Variants in CBLB observed in about 807,000 individuals in gnomAD.
CBLB encodes E3 ubiquitin-protein ligase CBL-B.
In CBLB, 31 loss-of-function variants were observed where a neutral mutation model predicts 104.9. That is an observed-to-expected ratio of 0.30 (90% CI 0.22 to 0.40). The LOEUF (loss-of-function observed/expected upper bound fraction) is 0.40, where lower values mean the gene tolerates loss of function less well. Ranked by LOEUF, CBLB falls within the 10% of genes least tolerant of loss-of-function variation. The pLI is 1.00. For missense variants in CBLB, 1,062 were observed against 1,214.6 expected, an observed-to-expected ratio of 0.87 and a Z score of 1.87; for synonymous variants, 440 against 422.6, an observed-to-expected ratio of 1.04 and a Z score of -0.51.
At position 105,681,550 on chromosome 3, in the gene CBLB, C is replaced by A. The variant is rs776677008; in HGVS notation, c.2357G>T (p.Arg786Leu). 5 of 1,613,890 alleles carry A rather than the reference C, an allele frequency of 3.1e-6. No individual in the cohort carries two copies. The South Asian group carries it at 4.4e-5, about 14-fold the overall frequency. The change falls in exon 16 of 19, where the codon CGG (arginine) becomes CTG (leucine). Residue 786 changes from arginine to leucine, a missense_variant. Around this residue, in one of 2 missense-constraint regions of CBLB, gnomAD observed 605 missense variants for 582.6 expected, o/e 1.04. Coordinates refer to ENST00000394030, the MANE Select transcript of CBLB (RefSeq NM_170662.5). ...VPLPPARPPT[R>L]DNPKHGSSLN... ...TGAAGAACCATGCTTTGGATTGTCC[C>A]GAGTTGGAGGCCTGGCAGGTGGTAA...
At chr3:105,806,147 G>A (rs2083466344) in intron 3 of CBLB, among the ~76,000 whole-genome samples, 1 of 152,014 alleles carries the variant, frequency 6.6e-6, no homozygotes, top group African/African-American at 2.4e-5. Flanking sequence ...ACTTTAAAAT[G>A]ACATTTTGCT....
rs1488606905 is a variant in CBLB at position 105,776,303 on chromosome 3, A to T, written c.566+93T>A. On this transcript the variant is annotated intron_variant, in intron 4 of 18. Transcript: ENST00000394030. Reference sequence around the variant, plus strand: ...AAATAATAAAATACATTCACAAAACACTCAAGTAAAATATATACCATATCC... The same window carrying T: ...AAATAATAAAATACATTCACAAAACTCTCAAGTAAAATATATACCATATCC... 3.5e-6 allele frequency: 4 copies of T among 1,132,586 alleles called. No individual in the cohort carries two copies. The East Asian group carries it at 7.2e-5, about 20-fold the overall frequency. The allele number at this position is 1,132,586 out of a possible 1,614,324, so 70.2% of individuals were successfully genotyped here. A position where few individuals can be genotyped will look rare whatever the true frequency, so the allele number is the denominator to read the frequency against.
At chr3:105,789,648 G>T (rs919077396) in intron 3 of CBLB, among the ~76,000 whole-genome samples, 6 of 152,228 alleles carry the variant, frequency 3.9e-5, no homozygotes, top group East Asian at 1.9e-4. Context: ...CCCTGACATT[G>T]TATGTGGTAA....
At chr3:105,674,517 A>G (rs2065395086) in intron 17 of CBLB, among the ~76,000 whole-genome samples, 1 of 152,232 alleles carries the variant, frequency 6.6e-6, no homozygotes, top group African/African-American at 2.4e-5. Flanking sequence ...AAGGTAGCAT[A>G]AAGACTGACA....
chr3:105,709,164 A>G (rs1187554566), intron 10 of CBLB, among the ~76,000 whole-genome samples: 1 of 152,006 alleles, frequency 6.6e-6, no homozygotes, highest in African/African-American at 2.4e-5. Context: ...TGCTATTATT[A>G]GCACTGACCT....
chr3:105,838,892 A>G (rs567663890), intron 3 of CBLB, among the ~76,000 whole-genome samples: 2 of 152,236 alleles, frequency 1.3e-5, no homozygotes, highest in South Asian at 2.1e-4. Context: ...CTGGGATTAC[A>G]GGCATGAGCC....
chr3:105,709,502 C>A (rs1443703846), intron 10 of CBLB, among the ~76,000 whole-genome samples: 1 of 151,676 alleles, frequency 6.6e-6, no homozygotes, highest in Non-Finnish European at 1.5e-5. Context: ...CTACATATAG[C>A]CATTGGTGAT....
rs2063435947 is a variant in CBLB at position 105,657,654 on chromosome 3, GATTT to G, written c.*1312_*1315del. 9.8e-6 allele frequency: 2 copies of G among 203,526 alleles called. No individual in the cohort carries two copies. Among genetic ancestry groups the G allele is most frequent in the South Asian group, 1.9e-4 (1 of 5,258 alleles). 12.6% of individuals were successfully genotyped at this position (203,526 alleles called of 1,614,324 possible). A position where few individuals can be genotyped will look rare whatever the true frequency, so the allele number is the denominator to read the frequency against. Reference sequence around the variant, plus strand: ...CATAGATGCTCAATAAATATTTGTAGATTTATTAAGAGTAATAACATGGTGTTTA... The same window carrying G: ...CATAGATGCTCAATAAATATTTGTAGATTAAGAGTAATAACATGGTGTTTA... On this transcript the variant is annotated 3_prime_UTR_variant, in exon 19 of 19. Coordinates refer to ENST00000394030, the MANE Select transcript of CBLB (RefSeq NM_170662.5).
intron 12 of CBLB, among the ~76,000 whole-genome samples, chr3:105,701,798 CACT>C (rs2069162872): frequency 6.6e-6 from 1 of 151,814 alleles, no homozygotes; most frequent in African/African-American, 2.4e-5. Flanking sequence ...ATTATACCAC[CACT>C]AAGTTGTTAA....
rs560074847 is a variant in CBLB, at chr3:105,702,321, C to T, written c.1732G>A (p.Val578Met). 2 of 1,613,860 alleles carry T rather than the reference C, an allele frequency of 1.2e-6. No homozygotes were observed. The highest frequency in any genetic ancestry group is 1.3e-5 in the African/African-American group (1 of 74,920). Residue 578 changes from valine (V) to methionine (M), a missense_variant, in exon 12 of 19, where the codon GTG becomes ATG. Coordinates refer to ENST00000394030, the MANE Select transcript of CBLB (RefSeq NM_170662.5). ...DNRLSRHIHH[V>M]ESVPSRDPPM... ...GGGTCTCTGGAAGGCACGCTTTCCA[C>T]ATGATGGATGTGTCTACTCAGTCTA...
At position 105,739,870 on chromosome 3, in the gene CBLB, C is replaced by T. The variant is rs141334262; in HGVS notation, c.983+624G>A. ...CTGTAATCCCAGCACTTTGGGAGGC[C>T]GAGGCGGGTGGATCATGAGGTCAGG... On this transcript the variant is annotated intron_variant, in intron 7 of 18. Transcript: ENST00000394030. Among the ~76,000 whole-genome samples, 935 of 152,122 alleles carry T rather than the reference C, an allele frequency of 6.1e-3. 30 individuals carry two copies. Among genetic ancestry groups the T allele is most frequent in the East Asian group, 0.05 (260 of 5,170 alleles).
intron 10 of CBLB, among the ~76,000 whole-genome samples, chr3:105,706,808 G>A (rs1385790155): frequency 6.6e-6 from 1 of 152,096 alleles, no homozygotes; most frequent in Non-Finnish European, 1.5e-5. Context: ...TAGAAAGAAT[G>A]CACAGTTCTT....
chr3:105,862,627 G>C (rs1560580230), intron 2 of CBLB, among the ~76,000 whole-genome samples: 1 of 152,070 alleles, frequency 6.6e-6, no homozygotes. Flanking sequence ...AAGCTTTACA[G>C]AGTCAAGTAA....
intron 3 of CBLB, among the ~76,000 whole-genome samples, chr3:105,822,563 A>T (rs1414675823): frequency 6.6e-6 from 1 of 152,160 alleles, no homozygotes; most frequent in Non-Finnish European, 1.5e-5. Flanking sequence ...CAAACTAAAC[A>T]AACAAATCTA....
At chr3:105,787,031 T>C (rs2081111922) in intron 3 of CBLB, among the ~76,000 whole-genome samples, 1 of 152,222 alleles carries the variant, frequency 6.6e-6, no homozygotes, top group Non-Finnish European at 1.5e-5. Flanking sequence ...TTTAAAGCAT[T>C]GAGACTATGC....
At chr3:105,762,722 G>C (rs890647330) in intron 4 of CBLB, among the ~76,000 whole-genome samples, 2 of 152,222 alleles carry the variant, frequency 1.3e-5, no homozygotes, top group African/African-American at 2.4e-5. Context: ...CAGGGGCAGA[G>C]CCCTACCTCT....
At position 105,859,767 on chromosome 3, in the gene CBLB, A is replaced by G. The variant is rs915038847; in HGVS notation, c.169-6103T>C. Among the ~76,000 whole-genome samples, 10 of 151,922 alleles carry G rather than the reference A, an allele frequency of 6.6e-5. 1 individual carries two copies. The highest frequency in any genetic ancestry group is 1.2e-4 in the Non-Finnish European group (8 of 67,988). On this transcript the variant is annotated intron_variant, in intron 2 of 18. Transcript: ENST00000394030. ...GTATATATATATCTCTCTCTTTATAATAACAGGTACCGAAGAGTTCTTTGG... is the reference window on the plus strand; with the variant it reads ...GTATATATATATCTCTCTCTTTATAGTAACAGGTACCGAAGAGTTCTTTGG...
chr3:105,817,060 T>C (rs971016494), intron 3 of CBLB, among the ~76,000 whole-genome samples: 2 of 152,092 alleles, frequency 1.3e-5, no homozygotes, highest in African/African-American at 4.8e-5. Flanking sequence ...CATGACATGT[T>C]TTTAGAATTA....
At chr3:105,821,409 C>A (rs2085843258) in intron 3 of CBLB, among the ~76,000 whole-genome samples, 1 of 152,130 alleles carries the variant, frequency 6.6e-6, no homozygotes, top group Non-Finnish European at 1.5e-5. Flanking sequence ...AGCAAATGAT[C>A]TAATCAGTCC....
Sources: gnomAD v4.1 joint callset for allele counts (sites outside exome capture counted in the v4.1 genomes callset) on GRCh38, gnomAD v4.1.1 for gene constraint, gnomAD v4.1.1 regional missense constraint, MANE v1.5 for transcripts, NCBI Gene and HGNC (gene_info 2026-07-23, HGNC 2026-07-21) for gene names.